Variants in CAMK2D observed in about 807,000 individuals in gnomAD.
CAMK2D encodes the protein calcium/calmodulin-dependent protein kinase type II subunit delta.
Under a neutral mutation model 84.0 loss-of-function variants are expected in CAMK2D, and 37 were observed. The ratio of observed to expected loss-of-function variants is 0.44; its 90% CI spans 0.34 to 0.58. CAMK2D has a LOEUF of 0.58. Among genes scored for constraint, CAMK2D ranks in the 20% least tolerant of loss-of-function variants. The probability of loss-of-function intolerance (pLI) is 0.02; values close to 1 mark genes in which losing one functional copy is unlikely to be tolerated. For missense variants in CAMK2D, 448 were observed against 652.5 expected (o/e 0.69, Z 3.41); for synonymous variants, 202 against 212.5 (o/e 0.95, Z 0.43).
intron 1 of CAMK2D, among the ~76,000 whole-genome samples, chr4:113,759,998 C>T (rs1475524157): frequency 2.6e-5 from 4 of 152,136 alleles, no homozygotes; most frequent in African/African-American, 9.7e-5. Flanking sequence ...ACAATATATA[C>T]ATATGTAATT....
intron 3 of CAMK2D, among the ~76,000 whole-genome samples, chr4:113,649,663 T>A (rs368121128): frequency 5.9e-5 from 9 of 152,268 alleles, no homozygotes; most frequent in East Asian, 3.8e-4. Context: ...CATAATTATT[T>A]GTCCTTTAAA....
At chr4:113,645,165 C>T (rs1231760308) in intron 3 of CAMK2D, among the ~76,000 whole-genome samples, 8 of 152,012 alleles carry the variant, frequency 5.3e-5, no homozygotes, top group Admixed American at 3.3e-4. Flanking sequence ...TACAGGCGCC[C>T]GCCACCACGC....
intron 16 of CAMK2D, among the ~76,000 whole-genome samples, chr4:113,477,488 G>A (rs532474498): frequency 6.6e-6 from 1 of 151,192 alleles, no homozygotes; most frequent in African/African-American, 2.4e-5. Flanking sequence ...GCCCATGCCT[G>A]TAATCCCAGC....
rs150542915 is a variant in CAMK2D at position 113,659,275 on chromosome 4, G to T, written c.220+2438C>A. Among the ~76,000 whole-genome samples, 441 of 152,278 alleles carry T rather than the reference G, an allele frequency of 2.9e-3. 1 individual carries two copies. Among genetic ancestry groups the T allele is most frequent in the African/African-American group, 1.0e-2 (414 of 41,558 alleles). ...AGGAATTGCAACTTCACTAAACAAA[G>T]ATTTGATTTTATCTTAAACCTGAGC... On this transcript the variant is annotated intron_variant, in intron 3 of 20. Transcript: ENST00000511664.
chr4:113,643,878 C>A (rs1334408712), intron 3 of CAMK2D, among the ~76,000 whole-genome samples: 1 of 152,138 alleles, frequency 6.6e-6, no homozygotes, highest in Non-Finnish European at 1.5e-5. Context: ...TTAAACTGGA[C>A]AGAGTATTTA....
intron 2 of CAMK2D, among the ~76,000 whole-genome samples, chr4:113,743,091 G>A (rs1231862813): frequency 6.6e-6 from 1 of 152,094 alleles, no homozygotes; most frequent in Admixed American, 6.5e-5. Flanking sequence ...ACATCATTCT[G>A]GCCGTTATTC....
At position 113,453,829 on chromosome 4, in the gene CAMK2D, T is replaced by A. The variant is rs1412967127; in HGVS notation, c.*716A>T. ...AGAAAAACAATTCAATTCAGCAAAT[T>A]CACCAAAACAATGTGAATATATCCT... On this transcript the variant is annotated 3_prime_UTR_variant, in exon 21 of 21. Transcript: ENST00000511664. 6.6e-6 allele frequency: 1 copy of A among 152,444 alleles called. No homozygotes were observed. The highest frequency in any genetic ancestry group is 2.4e-5 in the African/African-American group (1 of 41,428). 9.4% of individuals were successfully genotyped at this position (152,444 alleles called of 1,614,324 possible). A position where few individuals can be genotyped will look rare whatever the true frequency, so the allele number is the denominator to read the frequency against.
intron 2 of CAMK2D, among the ~76,000 whole-genome samples, chr4:113,684,337 C>A (rs368741360): frequency 6.6e-6 from 1 of 152,242 alleles, no homozygotes. Flanking sequence ...AAAAGTCAGA[C>A]ACATGTATGT....
intron 3 of CAMK2D, among the ~76,000 whole-genome samples, chr4:113,645,095 C>T (rs1236570610): frequency 6.6e-6 from 1 of 152,158 alleles, no homozygotes; most frequent in East Asian, 1.9e-4. Context: ...CGGCTCACTA[C>T]AAGCTCCACC....
chr4:113,494,906 G>A (rs2097907385), intron 16 of CAMK2D, among the ~76,000 whole-genome samples: 1 of 152,188 alleles, frequency 6.6e-6, no homozygotes, highest in Non-Finnish European at 1.5e-5. Context: ...CGATTTTCCA[G>A]GTCCCGTCTG....
intron 16 of CAMK2D, among the ~76,000 whole-genome samples, chr4:113,493,830 C>G (rs2097883434): frequency 6.6e-6 from 1 of 151,760 alleles, no homozygotes; most frequent in South Asian, 2.1e-4. Context: ...TTCTTGGAGG[C>G]TTTGCTCATT....
intron 4 of CAMK2D, among the ~76,000 whole-genome samples, chr4:113,588,970 G>A (rs1177791918): frequency 6.6e-6 from 1 of 152,158 alleles, no homozygotes; most frequent in Non-Finnish European, 1.5e-5. Context: ...GGCAGGGAAG[G>A]CCTCTGTGAG....
chr4:113,685,613 T>C (rs1027122128), intron 2 of CAMK2D, among the ~76,000 whole-genome samples: 4 of 151,924 alleles, frequency 2.6e-5, no homozygotes, highest in Non-Finnish European at 5.9e-5. Flanking sequence ...TTATGAAAAA[T>C]TAGAGAAAAA....
At chr4:113,601,275 G>A (rs2098950826) in intron 4 of CAMK2D, among the ~76,000 whole-genome samples, 2 of 152,128 alleles carry the variant, frequency 1.3e-5, no homozygotes, top group South Asian at 4.1e-4. Flanking sequence ...ACTCAGAATA[G>A]AATCAAAAGT....
chr4:113,459,827 T>C (rs975433638), intron 18 of CAMK2D, among the ~76,000 whole-genome samples: 4 of 151,992 alleles, frequency 2.6e-5, no homozygotes, highest in Admixed American at 2.6e-4. Flanking sequence ...GCCTTTACCA[T>C]GTTGGTCAGG....
chr4:113,588,954 T>A (rs7674991), intron 4 of CAMK2D, among the ~76,000 whole-genome samples: 84,573 of 151,546 alleles, frequency 0.56, 24,070 homozygotes, highest in Middle Eastern at 0.66. Flanking sequence ...AACTTTTAGA[T>A]TGGTGGGCAG....
intron 6 of CAMK2D, 95 bp downstream of exon 6, chr4:113,547,546 ACTT>A (rs1314964429): frequency 1.1e-5 from 7 of 647,676 alleles, no homozygotes; most frequent in Non-Finnish European, 1.0e-5. Context: ...AGTCCACACA[ACTT>A]TATTGCTCAT....
At chr4:113,508,142 C>G in intron 13 of CAMK2D, 1 of 858,190 alleles carries the variant, frequency 1.2e-6, no homozygotes, top group Non-Finnish European at 1.9e-6. Context: ...GTCCTACACC[C>G]TCTCCACTTA....
chr4:113,513,474 A>AG, intron 11 of CAMK2D, 104 bp from the exon 12 acceptor site: 1 of 805,424 alleles, frequency 1.2e-6, no homozygotes, highest in Admixed American at 2.1e-5. Flanking sequence ...CCCTACTTTC[A>AG]GTTAGGGGAT....
Sources: gnomAD v4.1 joint callset for allele counts (sites outside exome capture counted in the v4.1 genomes callset) on GRCh38, gnomAD v4.1.1 for gene constraint, MANE v1.5 for transcripts, NCBI Gene and HGNC (gene_info 2026-07-23, HGNC 2026-07-21) for gene names.